Variants in PTPRD observed in about 807,000 individuals in gnomAD.
PTPRD encodes receptor-type tyrosine-protein phosphatase delta.
A neutral mutation model predicts 214.5 loss-of-function variants in PTPRD; 34 were observed. The observed-to-expected ratio is 0.16, with a 90% CI of 0.12 to 0.21. The LOEUF is 0.21. Among genes scored for constraint, PTPRD ranks in the 10% least tolerant of loss-of-function variants. The pLI is 1.00. For missense variants in PTPRD, 2,545 were observed against 2,398.7 expected (o/e 1.06, Z -1.27); for synonymous variants, 1,128 against 845.7 (o/e 1.33, Z -5.79).
At chr9:10,586,093 G>T (rs951287050) in intron 2 of PTPRD, among the ~76,000 whole-genome samples, 1 of 151,962 alleles carries the variant, frequency 6.6e-6, no homozygotes, top group African/African-American at 2.4e-5. Context: ...GTGCAGTAAA[G>T]AAATTTACAT....
Position 9,396,788 on chromosome 9 carries a change from C to A in PTPRD, c.-203+661G>T, listed in dbSNP as rs185116294. On this transcript the variant is annotated intron_variant, in intron 9 of 45. Transcript: ENST00000381196. Reference sequence around the variant, plus strand: ...AACTCTCAAGAAGTAAAATGAGTAACAATTTTATGTAGAGTCTTCTTTCTC... The same window carrying A: ...AACTCTCAAGAAGTAAAATGAGTAAAAATTTTATGTAGAGTCTTCTTTCTC... Among the ~76,000 whole-genome samples, 13 of 152,078 alleles carry A rather than the reference C, an allele frequency of 8.5e-5. No homozygotes were observed. The East Asian group carries it at 2.5e-3, about 29-fold the overall frequency.
At chr9:9,676,204 C>T (rs2154394159) in intron 7 of PTPRD, among the ~76,000 whole-genome samples, 1 of 151,918 alleles carries the variant, frequency 6.6e-6, no homozygotes, top group East Asian at 1.9e-4. Context: ...TATACATGTG[C>T]CATGTTGGTG....
chr9:8,799,329 A>G (rs988213209), intron 11 of PTPRD, among the ~76,000 whole-genome samples: 2 of 152,230 alleles, frequency 1.3e-5, no homozygotes, highest in Non-Finnish European at 2.9e-5. Flanking sequence ...TTGGTATAAG[A>G]AAGAATCCCT....
intron 9 of PTPRD, among the ~76,000 whole-genome samples, chr9:9,286,876 ATAT>A (rs1949579121): frequency 1.9e-3 from 16 of 8,630 alleles, no homozygotes; most frequent in African/African-American, 6.9e-3. Flanking sequence ...ACTACTGAAT[ATAT>A]ATATATATAT....
intron 36 of PTPRD, among the ~76,000 whole-genome samples, chr9:8,403,616 G>A (rs931414292): frequency 3.7e-4 from 56 of 152,190 alleles, no homozygotes; most frequent in African/African-American, 1.3e-3. Flanking sequence ...GATCCGTCAT[G>A]AATCCTTAAT....
chr9:9,474,970 A>C (rs16929560), intron 8 of PTPRD, among the ~76,000 whole-genome samples: 88,982 of 151,700 alleles, frequency 0.59, 26,605 homozygotes, highest in East Asian at 0.69. Flanking sequence ...TGTTTTCTCA[A>C]GTTTTTACTT....
At chr9:9,531,010 T>C (rs2075344470) in intron 8 of PTPRD, among the ~76,000 whole-genome samples, 1 of 152,198 alleles carries the variant, frequency 6.6e-6, no homozygotes, top group Non-Finnish European at 1.5e-5. Flanking sequence ...AATGATATTT[T>C]GTATATTTCA....
At chr9:10,500,368 G>A (rs968921200) in intron 2 of PTPRD, among the ~76,000 whole-genome samples, 1 of 151,870 alleles carries the variant, frequency 6.6e-6, no homozygotes, top group South Asian at 2.1e-4. Flanking sequence ...ATACAGATTT[G>A]AAGTTTCAGA....
At chr9:8,541,904 C>G (rs2078533908) in intron 14 of PTPRD, among the ~76,000 whole-genome samples, 1 of 152,006 alleles carries the variant, frequency 6.6e-6, no homozygotes, top group Admixed American at 6.6e-5. Context: ...AGAAGCTATT[C>G]AACAGGAGTT....
chr9:9,870,755 G>A (rs189287763), intron 5 of PTPRD, among the ~76,000 whole-genome samples: 1 of 152,006 alleles, frequency 6.6e-6, no homozygotes, highest in African/African-American at 2.4e-5. Flanking sequence ...AAATAATTTA[G>A]CCAAAAAAAT....
chr9:9,425,972 C>G (rs956606434), intron 8 of PTPRD, among the ~76,000 whole-genome samples: 2 of 152,136 alleles, frequency 1.3e-5, no homozygotes, highest in Non-Finnish European at 2.9e-5. Flanking sequence ...CTACAGCTCC[C>G]ACCATGAGAG....
chr9:10,202,948 AC>A (rs2099436742), intron 3 of PTPRD, among the ~76,000 whole-genome samples: 1 of 151,868 alleles, frequency 6.6e-6, no homozygotes, highest in East Asian at 1.9e-4. Flanking sequence ...AACCTCCAGA[AC>A]TATGAGAAAT....
intron 8 of PTPRD, among the ~76,000 whole-genome samples, chr9:9,428,875 A>G (rs1241956400): frequency 3.3e-5 from 5 of 152,246 alleles, no homozygotes; most frequent in Admixed American, 3.3e-4. Context: ...GACACAACAT[A>G]CAAGTATCTC....
At chr9:9,645,792 C>G (rs1047154657) in intron 7 of PTPRD, among the ~76,000 whole-genome samples, 3 of 151,950 alleles carry the variant, frequency 2.0e-5, no homozygotes, top group African/African-American at 7.3e-5. Context: ...CTTTATCTTT[C>G]TCCTGAATAA....
At chr9:10,016,924 C>A (rs777996366) in intron 4 of PTPRD, among the ~76,000 whole-genome samples, 1 of 152,180 alleles carries the variant, frequency 6.6e-6, no homozygotes, top group Non-Finnish European at 1.5e-5. Flanking sequence ...TTTGGCCTCC[C>A]AAAGTGCTGG....
chr9:10,545,004 T>C (rs1289139157), intron 2 of PTPRD, among the ~76,000 whole-genome samples: 4 of 152,216 alleles, frequency 2.6e-5, no homozygotes, highest in Non-Finnish European at 4.4e-5. Flanking sequence ...TCTTTAACTT[T>C]TATAAGTTTA....
intron 11 of PTPRD, among the ~76,000 whole-genome samples, chr9:8,934,819 A>G (rs954939928): frequency 1.3e-5 from 2 of 151,478 alleles, no homozygotes; most frequent in Admixed American, 6.6e-5. Flanking sequence ...CTGCATCTGT[A>G]TGTTCAGCTT....
chr9:10,485,937 C>G (rs772219739), intron 2 of PTPRD, among the ~76,000 whole-genome samples: 1 of 151,978 alleles, frequency 6.6e-6, no homozygotes, highest in Non-Finnish European at 1.5e-5. Context: ...TCTCCTTAAT[C>G]AGTAATGTTG....
chr9:9,140,198 A>G (rs966886824), intron 10 of PTPRD, among the ~76,000 whole-genome samples: 9 of 151,758 alleles, frequency 5.9e-5, no homozygotes, highest in African/African-American at 2.2e-4. Context: ...ATGGAAAAAA[A>G]AAAAGAAAAA....
Sources: allele counts gnomAD v4.1 joint callset (sites outside exome capture counted in the v4.1 genomes callset), GRCh38; gene constraint gnomAD v4.1.1; transcripts MANE v1.5; gene names NCBI Gene and HGNC (gene_info 2026-07-23, HGNC 2026-07-21).